Variants in COBLL1 observed in about 807,000 individuals in gnomAD.
COBLL1 encodes the protein cordon-bleu protein-like 1.
Under a neutral mutation model 94.8 loss-of-function variants are expected in COBLL1, and 50 were observed. The observed-to-expected ratio is 0.53, with a 90% CI of 0.42 to 0.67. COBLL1 has a LOEUF of 0.67. Ranked by LOEUF, COBLL1 falls within the 30% of genes least tolerant of loss-of-function variation. The pLI, the probability that COBLL1 is intolerant of heterozygous loss-of-function variation, is 0.00. For synonymous variants in COBLL1, 448 were observed against 473.8 expected (o/e 0.95, Z 0.71); for missense variants, 1,362 against 1,348.7 (o/e 1.01, Z -0.15).
Position 164,694,975 on chromosome 2 carries a change from T to C in COBLL1, c.2417A>G (p.His806Arg). 1 of 1,614,024 alleles carries C rather than the reference T, an allele frequency of 6.2e-7. No homozygotes were observed. The highest frequency in any genetic ancestry group is 8.5e-7 in the Non-Finnish European group (1 of 1,179,944). ...LKPKPNLRTE[H>R]QVPSSVSSPD... ...TGAGCTCACAGAACTGGGCACTTGA[T>C]GCTCTGTTCTCAGGTTAGGCTTCGG... The change falls in exon 12 of 14, where the codon CAT (histidine) becomes CGT (arginine). Residue 806 changes from histidine to arginine, a missense_variant. Physicochemically the swap from His to Arg is conservative, Grantham distance 29 (BLOSUM62 0). Transcript: ENST00000652658.
At chr2:164,663,132 GT>G (rs1170527539) in intron 2 of COBLL1, among the ~76,000 whole-genome samples, 1 of 152,080 alleles carries the variant, frequency 6.6e-6, no homozygotes, top group African/African-American at 2.4e-5. Context: ...GTTTTATCAT[GT>G]TTTATTGCCT....
intron 2 of COBLL1, among the ~76,000 whole-genome samples, chr2:164,664,979 G>A (rs766741645): frequency 3.3e-5 from 5 of 152,090 alleles, no homozygotes; most frequent in Non-Finnish European, 7.4e-5. Context: ...AAGTACATGA[G>A]AGAATCAACA....
chr2:164,835,065 A>AC (rs948239364), intron 2 of COBLL1, among the ~76,000 whole-genome samples: 34 of 152,122 alleles, frequency 2.2e-4, no homozygotes, highest in Admixed American at 1.0e-3. Context: ...CACTGTAAAA[A>AC]AAAACAAAAC....
chr2:164,818,272 GTATGTATACATATATGTATGTATACA>G lies in COBLL1; in HGVS notation c.41+22858_41+22883del, dbSNP rs1285512277. Among the ~76,000 whole-genome samples the G allele has an allele frequency of 6.8e-3, 791 of 116,772 alleles. 8 individuals are homozygous for G. Among genetic ancestry groups the G allele is most frequent in the Non-Finnish European group, 0.012 (640 of 53,706 alleles). The allele number at this position is 116,772 out of a possible 152,430, so 76.6% of individuals were successfully genotyped here. On this transcript the variant is annotated intron_variant, in intron 2 of 13. Coordinates refer to ENST00000652658, the MANE Select transcript of COBLL1 (RefSeq NM_001365672.2). ...TGTGCATATACACATATACACGTAT[GTATGTATACATATATGTATGTATACA>G]TATGTATACATATACACGTGTGTAT...
chr2:164,773,335 T>C (rs1421830423), intron 2 of COBLL1, among the ~76,000 whole-genome samples: 1 of 152,118 alleles, frequency 6.6e-6, no homozygotes, highest in African/African-American at 2.4e-5. Flanking sequence ...CACCATGTCT[T>C]AAGGCTAGGA....
rs1242221991 is a variant in COBLL1 at position 164,684,179 on chromosome 2, T to C, written c.*1767A>G. On this transcript the variant is annotated 3_prime_UTR_variant, in exon 14 of 14. Coordinates refer to ENST00000652658, the MANE Select transcript of COBLL1 (RefSeq NM_001365672.2). Reference sequence around the variant, plus strand: ...CAGTGAAGAGTATTTTTTTTCCATGTTTGTTGGCCTTTTGAATTTCCTCTT... The same window carrying C: ...CAGTGAAGAGTATTTTTTTTCCATGCTTGTTGGCCTTTTGAATTTCCTCTT... The C allele has an allele frequency of 6.6e-6, 1 of 152,118 alleles. No individual in the cohort carries two copies. Among genetic ancestry groups the C allele is most frequent in the Non-Finnish European group, 1.5e-5 (1 of 67,994 alleles). 9.4% of individuals were successfully genotyped at this position (152,118 alleles called of 1,614,324 possible).
intron 2 of COBLL1, among the ~76,000 whole-genome samples, chr2:164,662,406 A>G (rs575922006): frequency 6.6e-6 from 1 of 152,346 alleles, no homozygotes; most frequent in Non-Finnish European, 1.5e-5. Flanking sequence ...CATATTATAA[A>G]TGCACTAATG....
chr2:164,712,694 T>C (rs192057056), intron 7 of COBLL1, among the ~76,000 whole-genome samples: 2,945 of 152,078 alleles, frequency 0.019, 57 homozygotes, highest in Non-Finnish European at 0.032. Context: ...TATTACACTA[T>C]AATAAATGTA....
Position 164,681,148 on chromosome 2 carries a change from T to C in COBLL1, c.*4798A>G, listed in dbSNP as rs1160169048. 1 of 152,070 alleles carries C rather than the reference T, an allele frequency of 6.6e-6. No individual in the cohort carries two copies. The allele number at this position is 152,070 out of a possible 1,614,324, so 9.4% of individuals were successfully genotyped here. A position where few individuals can be genotyped will look rare whatever the true frequency, so the allele number is the denominator to read the frequency against. On this transcript the variant is annotated 3_prime_UTR_variant, in exon 14 of 14. Coordinates refer to ENST00000652658, the MANE Select transcript of COBLL1 (RefSeq NM_001365672.2). ...TATGTGTATGGTTTGTTTAACAGGG[T>C]GTATTGCACCTATTGCCACATTAAT...
intron 2 of COBLL1, chr2:164,773,708 A>G (rs1395827541): frequency 1.6e-6 from 2 of 1,255,570 alleles, no homozygotes; most frequent in Middle Eastern, 4.4e-4. Flanking sequence ...TTTACTTACA[A>G]CTGTTCCAGA....
intron 2 of COBLL1, among the ~76,000 whole-genome samples, chr2:164,818,669 ATATGTAAACATATATAGTGTATATGTACT>A (rs1684995299): frequency 6.8e-6 from 1 of 147,426 alleles, no homozygotes; most frequent in Admixed American, 6.8e-5. Flanking sequence ...GTATATGTAC[ATATGTAAACATATATAGTGTATATGTACT>A]TATGTAAACA....
At chr2:164,687,043 T>C (rs998152862) in intron 13 of COBLL1, among the ~76,000 whole-genome samples, 4 of 152,204 alleles carry the variant, frequency 2.6e-5, no homozygotes, top group Non-Finnish European at 1.5e-5. Context: ...GTTTTCTCGA[T>C]TGTCTGATGA....
At chr2:164,824,422 T>C (rs1685334171) in intron 2 of COBLL1, among the ~76,000 whole-genome samples, 1 of 151,668 alleles carries the variant, frequency 6.6e-6, no homozygotes, top group Non-Finnish European at 1.5e-5. Context: ...ATGCAATCTA[T>C]CCATAGCATT....
intron 2 of COBLL1, among the ~76,000 whole-genome samples, chr2:164,779,949 G>C (rs1055996487): frequency 6.6e-6 from 1 of 152,078 alleles, no homozygotes; most frequent in South Asian, 2.1e-4. Flanking sequence ...ATGAGAAACA[G>C]GTTTGCCTCA....
At chr2:164,814,521 A>G (rs998338255) in intron 2 of COBLL1, among the ~76,000 whole-genome samples, 7 of 152,142 alleles carry the variant, frequency 4.6e-5, no homozygotes, top group African/African-American at 1.4e-4. Flanking sequence ...ATCAACTAAA[A>G]TTTTCCATAT....
rs79976549 is a variant in COBLL1, at chr2:164,837,241, A to T, written c.41+3915T>A. ...GCTTTTGACATTTAAATTTCGAAGG[A>T]TTTTTTTTTTTAAAGCATATCTGGG... On this transcript the variant is annotated intron_variant, in intron 2 of 13. Coordinates refer to ENST00000652658, the MANE Select transcript of COBLL1 (RefSeq NM_001365672.2). Among the ~76,000 whole-genome samples, 5 of 148,792 alleles carry T rather than the reference A, an allele frequency of 3.4e-5. No homozygotes were observed. The Admixed American group carries it at 3.4e-4, about 10-fold the overall frequency.
intron 2 of COBLL1, among the ~76,000 whole-genome samples, chr2:164,831,215 G>A (rs559159505): frequency 2.6e-5 from 4 of 152,104 alleles, no homozygotes; most frequent in Middle Eastern, 3.4e-3. Context: ...CCAGCTACTC[G>A]GAAGGTTGAG....
At chr2:164,818,798 C>T (rs1275796773) in intron 2 of COBLL1, among the ~76,000 whole-genome samples, 1 of 136,756 alleles carries the variant, frequency 7.3e-6, no homozygotes, top group South Asian at 2.1e-4. Context: ...AATTTTTTTT[C>T]GAGATCTTGC....
intron 2 of COBLL1, among the ~76,000 whole-genome samples, chr2:164,771,564 T>C (rs1688205375): frequency 6.6e-6 from 1 of 151,988 alleles, no homozygotes; most frequent in Non-Finnish European, 1.5e-5. Context: ...TCCATATGAC[T>C]TGGGAGTTTC....
Sources: allele counts gnomAD v4.1 joint callset (sites outside exome capture counted in the v4.1 genomes callset), GRCh38; gene constraint gnomAD v4.1.1; transcripts MANE v1.5; gene names NCBI Gene and HGNC (gene_info 2026-07-23, HGNC 2026-07-21).